NCMAP: variants seen among roughly 807,000 people sequenced by gnomAD.
NCMAP encodes non-compact myelin associated protein, also known as noncompact myelin-associated protein.
NCMAP carries 8 observed loss-of-function variants against 7.8 expected under a neutral mutation model. That is an observed-to-expected ratio of 1.02 (90% CI 0.60 to 1.84). NCMAP has a LOEUF of 1.84. NCMAP is among the 40% of genes most tolerant of loss of function. NCMAP has a pLI of 0.00. For synonymous variants in NCMAP, 41 were observed against 52.9 expected (o/e 0.78, Z 0.98); for missense variants, 112 against 131.4 (o/e 0.85, Z 0.72).
intron 1 of NCMAP, among the ~76,000 whole-genome samples, chr1:24,568,019 A>C (rs1357234366): frequency 6.6e-6 from 1 of 151,594 alleles, no homozygotes; most frequent in African/African-American, 2.4e-5. Flanking sequence ...TCCAGGTCAC[A>C]CTCCCGTGAC....
chr1:24,599,467 C>A (rs1037014225), intron 2 of NCMAP, among the ~76,000 whole-genome samples: 1 of 151,940 alleles, frequency 6.6e-6, no homozygotes. Flanking sequence ...TTGTGGTACA[C>A]CCAAACAATG....
At chr1:24,593,740 T>C (rs1370166262) in intron 1 of NCMAP, among the ~76,000 whole-genome samples, 2 of 152,124 alleles carry the variant, frequency 1.3e-5, no homozygotes, top group African/African-American at 4.8e-5. Context: ...ATTCTCTCAA[T>C]GTAGACCCTT....
chr1:24,597,637 A>C (rs1306405462), intron 2 of NCMAP, among the ~76,000 whole-genome samples: 1 of 124,568 alleles, frequency 8.0e-6, no homozygotes, highest in African/African-American at 3.7e-5. Flanking sequence ...GAAAGAAAGA[A>C]AGAAAGAAAG....
In NCMAP at chr1:24,607,237, G is replaced by A. The variant is rs1392897325; in HGVS notation, c.*1490G>A. 6.6e-6 allele frequency: 1 copy of A among 152,100 alleles called. No homozygotes were observed. The highest frequency in any genetic ancestry group is 6.6e-5 in the Admixed American group (1 of 15,250). The allele number at this position is 152,100 out of a possible 1,614,324, so 9.4% of individuals were successfully genotyped here. On this transcript the variant is annotated 3_prime_UTR_variant, in exon 4 of 4. Transcript: ENST00000374392. Reference sequence around the variant, plus strand: ...GCTGGTCTTGAACCCCTGGCCTCAAGTGATCCTTCTGCTTTGGCCTCCCAA... The same window carrying A: ...GCTGGTCTTGAACCCCTGGCCTCAAATGATCCTTCTGCTTTGGCCTCCCAA...
chr1:24,589,452 T>A (rs993359005), intron 1 of NCMAP: 6 of 152,250 alleles, frequency 3.9e-5, no homozygotes, highest in African/African-American at 1.4e-4. Context: ...GAGCCCTCAG[T>A]CCCGAGATGA....
chr1:24,568,025 G>A (rs566576706), intron 1 of NCMAP, among the ~76,000 whole-genome samples: 2 of 152,140 alleles, frequency 1.3e-5, no homozygotes, highest in South Asian at 2.1e-4. Flanking sequence ...TCACACTCCC[G>A]TGACCGCTCG....
At chr1:24,587,327 A>G (rs562992955) in intron 1 of NCMAP, among the ~76,000 whole-genome samples, 1 of 152,324 alleles carries the variant, frequency 6.6e-6, no homozygotes, top group African/African-American at 2.4e-5. Flanking sequence ...TTTGAAGGGC[A>G]GAAAGCTCCT....
chr1:24,566,817 G>A (rs1222937757), intron 1 of NCMAP, among the ~76,000 whole-genome samples: 1 of 152,182 alleles, frequency 6.6e-6, no homozygotes, highest in Admixed American at 6.5e-5. Flanking sequence ...TATGCTGGGT[G>A]CAAGGCCAGG....
intron 1 of NCMAP, among the ~76,000 whole-genome samples, chr1:24,558,697 A>G (rs1650971241): frequency 6.6e-6 from 1 of 152,144 alleles, no homozygotes; most frequent in South Asian, 2.1e-4. Flanking sequence ...GGATCTCTAC[A>G]GGGAGCGGAG....
At chr1:24,569,698 C>A (rs1651333530) in intron 1 of NCMAP, among the ~76,000 whole-genome samples, 1 of 150,462 alleles carries the variant, frequency 6.6e-6, no homozygotes, top group Non-Finnish European at 1.5e-5. Flanking sequence ...ATGATACCCA[C>A]CTCCTAGGGC....
chr1:24,569,914 T>G (rs1390074591), intron 1 of NCMAP, among the ~76,000 whole-genome samples: 3 of 150,418 alleles, frequency 2.0e-5, no homozygotes, highest in Non-Finnish European at 4.4e-5. Flanking sequence ...CTTGGACAAG[T>G]TACTTAACCT....
chr1:24,566,325 T>C (rs6672378), intron 1 of NCMAP, among the ~76,000 whole-genome samples: 103,320 of 152,034 alleles, frequency 0.68, 36,492 homozygotes, highest in African/African-American at 0.88. Flanking sequence ...AGGGCCCACC[T>C]AGCTTCAAGG....
chr1:24,574,128 GT>G (rs35886293), intron 1 of NCMAP, among the ~76,000 whole-genome samples: 75,113 of 145,224 alleles, frequency 0.52, 20,212 homozygotes, highest in Middle Eastern at 0.6. Context: ...ACTGAGAGGG[GT>G]TTTTTTTTTT....
chr1:24,606,491 C>T lies in NCMAP; in HGVS notation c.*744C>T, dbSNP rs74533123. The T allele has an allele frequency of 0.034, 5,170 of 152,698 alleles. 134 individuals carry two copies. The highest frequency in any genetic ancestry group is 0.11 in the Middle Eastern group (33 of 294). The allele number at this position is 152,698 out of a possible 1,614,324, so 9.5% of individuals were successfully genotyped here. ...ATCAGGGTCCTTCTCCCACTCTGGG[C>T]TGTATCAACCCTGACGGTCTTGGTC... On this transcript the variant is annotated 3_prime_UTR_variant, in exon 4 of 4. Transcript: ENST00000374392.
intron 1 of NCMAP, among the ~76,000 whole-genome samples, chr1:24,557,076 C>T (rs1284144731): frequency 1.3e-5 from 2 of 152,128 alleles, no homozygotes; most frequent in Non-Finnish European, 2.9e-5. Context: ...ATAGTAGGCA[C>T]TCAATGAACA....
intron 1 of NCMAP, among the ~76,000 whole-genome samples, chr1:24,562,958 CAGAG>C (rs1217112927): frequency 1.3e-5 from 2 of 151,658 alleles, no homozygotes; most frequent in Non-Finnish European, 2.9e-5. Flanking sequence ...CATTACCAGA[CAGAG>C]AGCTGGCATC....
At chr1:24,602,384 C>CATCCTGGCTAAT (rs1219337159) in intron 3 of NCMAP, among the ~76,000 whole-genome samples, 1 of 135,430 alleles carries the variant, frequency 7.4e-6, no homozygotes, top group East Asian at 2.0e-4. Context: ...AGATCGAGAC[C>CATCCTGGCTAAT]ACGGTGAAAC....
Position 24,576,998 on chromosome 1 carries a change from C to T in NCMAP, c.-7-18426C>T, listed in dbSNP as rs1482027373. On this transcript the variant is annotated intron_variant, in intron 1 of 3. Coordinates refer to ENST00000374392, the MANE Select transcript of NCMAP (RefSeq NM_001010980.5). This position sits in a 1 kb window ranked among gnomAD's most constrained non-coding sequence, Gnocchi z 4.0. The stretch of plus-strand genomic sequence containing the variant: ...CACACACACAAAAAAATTAGCTGGG[C>T]GTGGTGGTGCATGCCTGTGATCCCA... Among the ~76,000 whole-genome samples the T allele has an allele frequency of 1.3e-5, 2 of 151,976 alleles. No homozygotes were observed. The highest frequency in any genetic ancestry group is 6.6e-5 in the Admixed American group (1 of 15,236).
intron 1 of NCMAP, among the ~76,000 whole-genome samples, chr1:24,586,378 G>A (rs1301556314): frequency 6.6e-6 from 1 of 152,250 alleles, no homozygotes; most frequent in Non-Finnish European, 1.5e-5. Context: ...CACAAGTGCA[G>A]AATGGAGTCC....
Sources: allele counts gnomAD v4.1 joint callset (sites outside exome capture counted in the v4.1 genomes callset), GRCh38; gene constraint gnomAD v4.1.1; non-coding constraint Gnocchi (gnomAD v3.1); transcripts MANE v1.5; gene names NCBI Gene and HGNC (gene_info 2026-07-23, HGNC 2026-07-21).